The following ZNF726 variants were observed in gnomAD, a reference collection of about 807,000 sequenced individuals.
ZNF726 encodes zinc finger protein 726, also known as zinc finger protein 92 pseudogene 3.
In ZNF726, 15 loss-of-function variants were observed where a neutral mutation model predicts 11.6. The ratio of observed to expected loss-of-function variants is 1.29; its 90% CI spans 0.86 to 1.99. The LOEUF (loss-of-function observed/expected upper bound fraction) is 1.99, where lower values mean the gene tolerates loss of function less well. Among genes scored for constraint, ZNF726 ranks in the 30% most tolerant of loss-of-function variants. The probability of loss-of-function intolerance (pLI) is 0.00; values close to 1 mark genes in which losing one functional copy is unlikely to be tolerated. For synonymous variants in ZNF726, 295 were observed against 243.6 expected, an observed-to-expected ratio of 1.21 and a Z score of -1.96; for missense variants, 890 against 725.6, an observed-to-expected ratio of 1.23 and a Z score of -2.60.
intron 3 of ZNF726, among the ~76,000 whole-genome samples, chr19:23,939,966 C>G (rs62114238): frequency 1.4e-5 from 2 of 146,828 alleles, no homozygotes; most frequent in African/African-American, 2.5e-5. Context: ...TTCTCCCACT[C>G]TGTGAGTTCT....
downstream of ZNF726, chr19:23,935,209 G>T (rs1188525802): frequency 9.1e-6 from 4 of 437,766 alleles, no homozygotes; most frequent in Non-Finnish European, 1.4e-5. Context: ...CACAGGGGCA[G>T]GTTTCCCATG....
intron 2 of ZNF726, chr19:23,919,727 C>G (rs1304111947): frequency 7.6e-6 from 4 of 527,954 alleles, no homozygotes; most frequent in African/African-American, 6.0e-5. Context: ...ATTTCAGAAC[C>G]TTAGTGGCAT....
chr19:23,926,463 A>T (rs1967989928), intron 3 of ZNF726, among the ~76,000 whole-genome samples: 1 of 151,498 alleles, frequency 6.6e-6, no homozygotes, highest in African/African-American at 2.4e-5. Flanking sequence ...TTGAGGTGGG[A>T]GAATCACTTG....
In ZNF726 at chr19:23,939,862, A is replaced by ATTTTTTTT. The variant is rs374902806; in HGVS notation, c.227-3619_227-3612dup. On this transcript the variant is annotated intron_variant, in intron 3 of 4. Transcript: ENST00000334589. ...TGTCTTTGGCCCACTTTTTGATGGG[A>ATTTTTTTT]TTTTTTTTTTTTTTTTTTTTCTGAC... Among the ~76,000 whole-genome samples, 597 of 87,092 alleles carry ATTTTTTTT rather than the reference A, an allele frequency of 6.9e-3. 45 individuals carry two copies. The highest frequency in any genetic ancestry group is 0.024 in the African/African-American group (528 of 21,750). The allele number at this position is 87,092 out of a possible 152,430, so 57.1% of individuals were successfully genotyped here.
intron 3 of ZNF726, chr19:23,929,301 T>C (rs575919314): frequency 6.6e-6 from 1 of 152,230 alleles, no homozygotes; most frequent in African/African-American, 2.4e-5. Context: ...TGTGTATTCG[T>C]CTGTTTTTAT....
At position 23,932,349 on chromosome 19, in the gene ZNF726, G is replaced by T. The variant is rs773364185; in HGVS notation, c.233G>T (p.Cys78Phe). 1.1e-5 allele frequency: 16 copies of T among 1,409,022 alleles called. No individual in the cohort carries two copies. Among genetic ancestry groups the T allele is most frequent in the Non-Finnish European group, 1.2e-5 (13 of 1,080,414 alleles). The allele number at this position is 1,409,022 out of a possible 1,614,324, so 87.3% of individuals were successfully genotyped here. A position where few individuals can be genotyped will look rare whatever the true frequency, so the allele number is the denominator to read the frequency against. ...DEMVDEPPGI[C>F]PHFAQDIWPE... ...TATTTTAATTTTTTTTTAGGTATAT[G>T]TCCTCATTTTGCTCAAGACATTTGG... The change falls in exon 4 of 4, where the codon TGT becomes TTT. Residue 78 changes from cysteine to phenylalanine, a missense_variant. Physicochemically the swap from Cys to Phe is radical, Grantham distance 205. Coordinates refer to ENST00000594466, the MANE Select transcript of ZNF726 (RefSeq NM_001244038.2).
Position 23,933,609 on chromosome 19 carries a change from C to T in ZNF726, c.1493C>T (p.Ala498Val), listed in dbSNP as rs1968169156. ...KAFSQSSTLTAHKIIHTGEKP... is the reference protein window; with the variant it reads ...KAFSQSSTLTVHKIIHTGEKP... ...TTTAGCCAGTCCTCAACCCTTACTG[C>T]ACATAAGATAATTCATACTGGAGAG... The change falls in exon 4 of 4, where the codon GCA (alanine) becomes GTA (valine). Residue 498 changes from alanine (A) to valine (V), a missense_variant. By Grantham distance (64) the Ala-to-Val change is moderately conservative (BLOSUM62 0). Transcript: ENST00000594466. 1 of 1,606,862 alleles carries T rather than the reference C, an allele frequency of 6.2e-7. No homozygotes were observed. The highest frequency in any genetic ancestry group is 1.4e-5 in the African/African-American group (1 of 73,062).
At chr19:23,937,502 G>A (rs921845915), downstream of ZNF726, among the ~76,000 whole-genome samples, 14 of 147,348 alleles carry the variant, frequency 9.5e-5, no homozygotes, top group East Asian at 4.1e-4. Context: ...CTCACATCCC[G>A]GACAGGGTGG....
intron 3 of ZNF726, among the ~76,000 whole-genome samples, chr19:23,926,010 C>T (rs113408507): frequency 0.011 from 1,742 of 152,080 alleles, 14 homozygotes; most frequent in Non-Finnish European, 0.017. Context: ...CCACCACGCC[C>T]GGCTATTGTT....
intron 4 of ZNF726, chr19:23,944,062 A>G (rs1023303137): frequency 3.3e-5 from 5 of 152,284 alleles, no homozygotes; most frequent in Non-Finnish European, 7.3e-5. Flanking sequence ...TAATATTAGC[A>G]ATCCTAACTC....
At chr19:23,916,615 G>T (rs1967707330) in intron 1 of ZNF726, among the ~76,000 whole-genome samples, 1 of 152,204 alleles carries the variant, frequency 6.6e-6, no homozygotes, top group Non-Finnish European at 1.5e-5. Flanking sequence ...ACACATGTGA[G>T]CTACCGTGCC....
Position 23,934,179 on chromosome 19 carries a change from A to T in ZNF726, c.*212A>T, listed in dbSNP as rs890697712. The T allele has an allele frequency of 1.1e-5, 9 of 820,252 alleles. No homozygotes were observed. The African/African-American group carries it at 1.4e-4, about 12-fold the overall frequency. The allele number at this position is 820,252 out of a possible 1,614,324, so 50.8% of individuals were successfully genotyped here. A position where few individuals can be genotyped will look rare whatever the true frequency, so the allele number is the denominator to read the frequency against. The stretch of plus-strand genomic sequence containing the variant: ...GTGGGAAAGCTTTTAATCATTCTCA[A>T]ATCTTACTACACATAAGATAATTCA... On this transcript the variant is annotated 3_prime_UTR_variant, in exon 4 of 4. Coordinates refer to ENST00000594466, the MANE Select transcript of ZNF726 (RefSeq NM_001244038.2).
chr19:23,940,682 G>C (rs767707855), intron 3 of ZNF726, among the ~76,000 whole-genome samples: 12 of 152,038 alleles, frequency 7.9e-5, no homozygotes, highest in Non-Finnish European at 1.5e-4. Flanking sequence ...GTGTTTTGTA[G>C]TTTTCCTTGT....
At chr19:23,916,367 G>A (rs62114216) in intron 1 of ZNF726, among the ~76,000 whole-genome samples, 17,461 of 151,108 alleles carry the variant, frequency 0.12, 1,103 homozygotes, top group Middle Eastern at 0.2. Flanking sequence ...TTGCTCTGTT[G>A]CAGTGCAGTG....
At chr19:23,937,769 G>A (rs867071298), downstream of ZNF726, among the ~76,000 whole-genome samples, 7 of 152,166 alleles carry the variant, frequency 4.6e-5, no homozygotes, top group South Asian at 8.3e-4. Context: ...CTGCAATCTC[G>A]GCACTTTGGG....
downstream of ZNF726, chr19:23,935,281 G>A: frequency 2.0e-6 from 1 of 495,782 alleles, no homozygotes. Context: ...ATTCATACTG[G>A]AGTAAAACTC....
Position 23,933,711 on chromosome 19 carries a change from C to T in ZNF726, c.1595C>T (p.Thr532Ile). 1 of 1,612,410 alleles carries T rather than the reference C, an allele frequency of 6.2e-7. No individual in the cohort carries two copies. Among genetic ancestry groups the T allele is most frequent in the Non-Finnish European group, 8.5e-7 (1 of 1,179,974 alleles). ...CTATCTAAACATAAGAGGATTCACA[C>T]TGGAGAGAAACCCTACAAATGTGAA... The part of the protein sequence containing the change: ...STLSKHKRIH[T>I]GEKPYKCEEC... The change falls in exon 4 of 4, where the codon ACT (threonine) becomes ATT (isoleucine). Residue 532 changes from threonine to isoleucine, a missense_variant. Coordinates refer to ENST00000594466, the MANE Select transcript of ZNF726 (RefSeq NM_001244038.2).
intron 3 of ZNF726, among the ~76,000 whole-genome samples, chr19:23,926,680 C>G (rs972414955): frequency 3.3e-4 from 50 of 151,254 alleles, no homozygotes; most frequent in African/African-American, 1.2e-3. Flanking sequence ...GTTCAGCTTT[C>G]AACATAATTT....
intron 3 of ZNF726, among the ~76,000 whole-genome samples, chr19:23,926,551 CAG>C (rs112437995): frequency 0.26 from 34,162 of 133,840 alleles, 4,187 homozygotes; most frequent in African/African-American, 0.3. Flanking sequence ...GCCTGGGCAA[CAG>C]AGCAAGACTC....
Sources: allele counts gnomAD v4.1 joint callset (sites outside exome capture counted in the v4.1 genomes callset), GRCh38; gene constraint gnomAD v4.1.1; transcripts MANE v1.5; gene names NCBI Gene and HGNC (gene_info 2026-07-23, HGNC 2026-07-21).